The following ITPR2 variants were observed in gnomAD, a reference collection of about 807,000 sequenced individuals.
The protein encoded by ITPR2 is inositol 1,4,5-trisphosphate receptor type 2.
ITPR2 carries 207 observed loss-of-function variants against 317.1 expected under a neutral mutation model. The observed-to-expected ratio is 0.65, with a 90% CI of 0.58 to 0.73. ITPR2 has a LOEUF of 0.73. Ranked by LOEUF, ITPR2 falls within the 30% of genes least tolerant of loss-of-function variation. The probability of loss-of-function intolerance (pLI) is 0.00; values close to 1 mark genes in which losing one functional copy is unlikely to be tolerated. For missense variants in ITPR2, 2,613 were observed against 3,284.0 expected (o/e 0.80, Z 4.99); for synonymous variants, 1,156 against 1,149.1 (o/e 1.01, Z -0.12).
intron 45 of ITPR2, among the ~76,000 whole-genome samples, chr12:26,468,487 A>G (rs967084968): frequency 6.6e-6 from 1 of 151,848 alleles, no homozygotes; most frequent in South Asian, 2.1e-4. Context: ...ATCAGCATGC[A>G]TGCATTTTTG....
chr12:26,791,741 AAACCC>A (rs1302010824), intron 1 of ITPR2, among the ~76,000 whole-genome samples: 1 of 152,216 alleles, frequency 6.6e-6, no homozygotes, highest in East Asian at 1.9e-4. Context: ...AAGAGAAAGC[AAACCC>A]AAACTTCCAC....
At chr12:26,467,315 G>A (rs1044575825) in intron 45 of ITPR2, among the ~76,000 whole-genome samples, 2 of 152,086 alleles carry the variant, frequency 1.3e-5, no homozygotes. Flanking sequence ...AAAAATCCCT[G>A]TCCTTAAAAT....
intron 2 of ITPR2, among the ~76,000 whole-genome samples, chr12:26,732,445 C>T (rs370092085): frequency 6.6e-6 from 1 of 152,182 alleles, no homozygotes; most frequent in East Asian, 1.9e-4. Flanking sequence ...TGACAAGTGA[C>T]TGCCTGACCT....
At chr12:26,804,906 T>C (rs1379170357) in intron 1 of ITPR2, among the ~76,000 whole-genome samples, 1 of 152,050 alleles carries the variant, frequency 6.6e-6, no homozygotes, top group East Asian at 1.9e-4. Flanking sequence ...GGCTAATTTT[T>C]GTATTTTTAG....
At chr12:26,666,117 A>ATGAT (rs1947621864) in intron 13 of ITPR2, 66 bp from the exon 14 acceptor site, 1 of 871,086 alleles carries the variant, frequency 1.1e-6, no homozygotes, top group Non-Finnish European at 1.6e-6. Flanking sequence ...GTATAGATAG[A>ATGAT]TGATAGGTAG....
intron 45 of ITPR2, among the ~76,000 whole-genome samples, chr12:26,472,117 G>C (rs1356440340): frequency 6.6e-6 from 1 of 152,164 alleles, no homozygotes; most frequent in South Asian, 2.1e-4. Flanking sequence ...CTGGTGACGG[G>C]GTTACCCCAT....
At position 26,419,073 on chromosome 12, in the gene ITPR2, G is replaced by T; in HGVS notation, c.7086C>A (p.Val2362=). The T allele has an allele frequency of 1.2e-6, 2 of 1,613,488 alleles. No individual in the cohort carries two copies. Among genetic ancestry groups the T allele is most frequent in the Non-Finnish European group, 1.7e-6 (2 of 1,179,676 alleles). The change falls in exon 50 of 57, where the codon GTC becomes GTA. Residue 2362 remains valine, a synonymous_variant. Transcript: ENST00000381340. ...CCAGGAAGCTATAGAAGAATTCATG[G>T]ACAAAAAGGCCCAGCATGCAAACCA... ...YVLVCMLGLF[V]HEFFYSFLLF... is the part of the protein sequence containing the mutation.
At position 26,723,809 on chromosome 12, in the gene ITPR2, G is replaced by A. The variant is rs549116117; in HGVS notation, c.366+847C>T. Among the ~76,000 whole-genome samples the A allele has an allele frequency of 3.0e-4, 45 of 152,258 alleles. No individual in the cohort carries two copies. The South Asian group carries it at 4.8e-3, about 16-fold the overall frequency. The stretch of plus-strand genomic sequence containing the variant: ...ATATTACACAGTGTCCTCTTTATGA[G>A]CACACATAGGAGAAACACTTCCCTG... On this transcript the variant is annotated intron_variant, in intron 4 of 56. Coordinates refer to ENST00000381340, the MANE Select transcript of ITPR2 (RefSeq NM_002223.4).
At chr12:26,514,261 T>C (rs73085301) in intron 37 of ITPR2, among the ~76,000 whole-genome samples, 70 of 152,352 alleles carry the variant, frequency 4.6e-4, no homozygotes, top group Middle Eastern at 3.4e-3. Context: ...AATTGAAGGA[T>C]AGCACTGGCT....
At chr12:26,574,960 T>C (rs1945242764) in intron 34 of ITPR2, among the ~76,000 whole-genome samples, 1 of 151,608 alleles carries the variant, frequency 6.6e-6, no homozygotes. Context: ...ACCTCCAACG[T>C]CGGAATCCCA....
chr12:26,687,740 G>A lies in ITPR2; in HGVS notation c.997-1108C>T, dbSNP rs919585360. ...GGAATGGGCAGAGGGAACTGCCAGC[G>A]TTCCTAAACAGGAGCAGGATTGTTA... is the stretch of plus-strand genomic sequence containing the variant. On this transcript the variant is annotated intron_variant, in intron 10 of 56. Transcript: ENST00000381340. 3.5e-4 allele frequency among the ~76,000 whole-genome samples: 54 copies of A among 152,240 alleles called. 1 individual carries two copies. Among genetic ancestry groups the A allele is most frequent in the Admixed American group, 3.3e-3 (51 of 15,286 alleles).
At chr12:26,546,162 T>G (rs1379215034) in intron 37 of ITPR2, among the ~76,000 whole-genome samples, 1 of 152,216 alleles carries the variant, frequency 6.6e-6, no homozygotes, top group Non-Finnish European at 1.5e-5. Context: ...ACAGGATAAA[T>G]GAGACATTTT....
intron 2 of ITPR2, among the ~76,000 whole-genome samples, chr12:26,775,577 T>C (rs1310954645): frequency 6.6e-6 from 1 of 152,118 alleles, no homozygotes; most frequent in African/African-American, 2.4e-5. Context: ...GTCAACTTGA[T>C]TGGATTGAAG....
chr12:26,377,188 A>G (rs1939372769), intron 55 of ITPR2, among the ~76,000 whole-genome samples: 1 of 152,098 alleles, frequency 6.6e-6, no homozygotes, highest in Non-Finnish European at 1.5e-5. Context: ...ATCAGCCTCA[A>G]GCATCCAGGC....
intron 26 of ITPR2, among the ~76,000 whole-genome samples, chr12:26,606,264 G>A (rs1470813243): frequency 6.6e-6 from 1 of 151,712 alleles, no homozygotes; most frequent in African/African-American, 2.4e-5. Context: ...TTTGACAATA[G>A]TGATGAAAAA....
In ITPR2 at chr12:26,631,917, G is replaced by A. The variant is rs2230372; in HGVS notation, c.2883C>T (p.His961=). ...TGGTGTCCATCACAGTCACATCCTC[G>A]TGCTCGGTGGGGCTCCCTTGCTTGC... is the stretch of plus-strand genomic sequence containing the variant. ...HPSKQGSPTE[H]EDVTVMDTKL... The change falls in exon 22 of 57, where the codon CAC becomes CAT. Residue 961 remains histidine, a synonymous_variant. Coordinates refer to ENST00000381340, the MANE Select transcript of ITPR2 (RefSeq NM_002223.4). 0.49 allele frequency: 796,618 copies of A among 1,613,000 alleles called. 199,645 individuals carry two copies. Among genetic ancestry groups the A allele is most frequent in the South Asian group, 0.62 (56,076 of 91,018 alleles).
intron 52 of ITPR2, among the ~76,000 whole-genome samples, chr12:26,403,724 T>C (rs1297864309): frequency 6.6e-6 from 1 of 152,202 alleles, no homozygotes; most frequent in Non-Finnish European, 1.5e-5. Flanking sequence ...CTAATTAATG[T>C]AGACTCTATA....
intron 2 of ITPR2, among the ~76,000 whole-genome samples, chr12:26,740,538 G>A (rs1024488646): frequency 2.0e-5 from 3 of 152,258 alleles, no homozygotes; most frequent in Non-Finnish European, 2.9e-5. Flanking sequence ...TCATTCCGCC[G>A]TATAAGGTGA....
At position 26,711,177 on chromosome 12, in the gene ITPR2, G is replaced by A. The variant is rs759835941; in HGVS notation, c.947C>T (p.Ala316Val). The A allele has an allele frequency of 6.2e-7, 1 of 1,607,764 alleles. No individual in the cohort carries two copies. Among genetic ancestry groups the A allele is most frequent in the Non-Finnish European group, 8.5e-7 (1 of 1,174,350 alleles). The change falls in exon 9 of 57, where the codon GCA becomes GTA. Residue 316 changes from alanine to valine, a missense_variant. Transcript: ENST00000381340. Reference sequence around the variant, plus strand: ...CACTTTATCCATTAGTCTTACCTCTGCAGCTAAATAGTTTCCAGTTGCAAG... The same window carrying A: ...CACTTTATCCATTAGTCTTACCTCTACAGCTAAATAGTTTCCAGTTGCAAG... ...KHLATGNYLA[A>V]ELNPDYRDAQ...
Sources: allele counts gnomAD v4.1 joint callset (sites outside exome capture counted in the v4.1 genomes callset), GRCh38; gene constraint gnomAD v4.1.1; transcripts MANE v1.5; gene names NCBI Gene and HGNC (gene_info 2026-07-23, HGNC 2026-07-21).